MACROD2: variants seen among roughly 807,000 people sequenced by gnomAD.
MACROD2 encodes the protein ADP-ribose glycohydrolase MACROD2.
A neutral mutation model predicts 70.4 loss-of-function variants in MACROD2; 36 were observed. That is an observed-to-expected ratio of 0.51 (90% confidence interval 0.39 to 0.68). The LOEUF is 0.68. Among genes scored for constraint, MACROD2 ranks in the 30% least tolerant of loss-of-function variants. The pLI, the probability that MACROD2 is intolerant of heterozygous loss-of-function variation, is 0.00. For missense variants in MACROD2, 496 were observed against 538.4 expected, an observed-to-expected ratio of 0.92 and a Z score of 0.78; for synonymous variants, 172 against 178.8, an observed-to-expected ratio of 0.96 and a Z score of 0.30.
intron 5 of MACROD2, among the ~76,000 whole-genome samples, chr20:14,943,507 T>C (rs2074407029): frequency 6.6e-6 from 1 of 152,186 alleles, no homozygotes; most frequent in Non-Finnish European, 1.5e-5. Context: ...ATAATAATGG[T>C]TGATATATTG....
At chr20:15,249,551 A>G (rs2077136244) in intron 6 of MACROD2, among the ~76,000 whole-genome samples, 2 of 152,214 alleles carry the variant, frequency 1.3e-5, no homozygotes, top group African/African-American at 4.8e-5. Context: ...CCAATACTCC[A>G]AGGCACCCAA....
chr20:14,599,853 G>A (rs1023637686), intron 4 of MACROD2, among the ~76,000 whole-genome samples: 1 of 152,138 alleles, frequency 6.6e-6, no homozygotes, highest in Non-Finnish European at 1.5e-5. Flanking sequence ...GGACAGGGGA[G>A]GATTTCAGGA....
intron 6 of MACROD2, among the ~76,000 whole-genome samples, chr20:15,369,980 G>C (rs1000735110): frequency 6.6e-6 from 1 of 152,080 alleles, no homozygotes; most frequent in African/African-American, 2.4e-5. Context: ...CTGTTTTGCT[G>C]ATTGCAGCCT....
At chr20:15,277,749 G>T (rs975575792) in intron 6 of MACROD2, among the ~76,000 whole-genome samples, 2 of 152,268 alleles carry the variant, frequency 1.3e-5, no homozygotes, top group Non-Finnish European at 1.5e-5. Flanking sequence ...GTGATTTGGG[G>T]TATGTTACTT....
chr20:15,608,560 A>G (rs1053934785), intron 8 of MACROD2, among the ~76,000 whole-genome samples: 1 of 152,082 alleles, frequency 6.6e-6, no homozygotes, highest in African/African-American at 2.4e-5. Flanking sequence ...TCAACCAACC[A>G]CTAAGTGACC....
intron 4 of MACROD2, among the ~76,000 whole-genome samples, chr20:14,575,801 A>G (rs192860438): frequency 2.0e-5 from 3 of 152,248 alleles, no homozygotes; most frequent in South Asian, 2.1e-4. Context: ...TAAAAAGAAA[A>G]TGTTCTACAC....
At chr20:14,680,606 C>T (rs190965414) in intron 4 of MACROD2, among the ~76,000 whole-genome samples, 1 of 152,056 alleles carries the variant, frequency 6.6e-6, no homozygotes, top group African/African-American at 2.4e-5. Flanking sequence ...AAGCCTCTAC[C>T]ATATATTATA....
At chr20:14,451,461 G>T (rs1204532494) in intron 3 of MACROD2, among the ~76,000 whole-genome samples, 1 of 152,022 alleles carries the variant, frequency 6.6e-6, no homozygotes, top group Non-Finnish European at 1.5e-5. Flanking sequence ...AAAAAACAAA[G>T]TGTGTTACCC....
At chr20:15,555,570 G>T (rs559354036) in intron 8 of MACROD2, among the ~76,000 whole-genome samples, 5 of 152,124 alleles carry the variant, frequency 3.3e-5, no homozygotes, top group Admixed American at 6.5e-5. Context: ...CAGGTAAGGG[G>T]TTGATAGTTG....
intron 6 of MACROD2, among the ~76,000 whole-genome samples, chr20:15,337,735 A>T (rs1039035174): frequency 6.6e-6 from 1 of 151,750 alleles, no homozygotes; most frequent in Non-Finnish European, 1.5e-5. Context: ...GAATTGGGAG[A>T]CTTTGACATG....
At chr20:15,297,562 T>A (rs1406825676) in intron 6 of MACROD2, among the ~76,000 whole-genome samples, 1 of 152,114 alleles carries the variant, frequency 6.6e-6, no homozygotes, top group Non-Finnish European at 1.5e-5. Flanking sequence ...CTGGCTGGGT[T>A]TTTCTCATTT....
intron 8 of MACROD2, among the ~76,000 whole-genome samples, chr20:15,749,031 A>G (rs1319582115): frequency 6.6e-6 from 1 of 152,174 alleles, no homozygotes; most frequent in Non-Finnish European, 1.5e-5. Context: ...CAAATTATGT[A>G]TACAAATACA....
rs180796201 is a variant in MACROD2, at chr20:14,794,744, T to C, written c.418+109785T>C. Among the ~76,000 whole-genome samples the C allele has an allele frequency of 3.9e-4, 60 of 152,274 alleles. 2 individuals are homozygous for C. In the East Asian group the frequency reaches 8.9e-3, roughly 23 times the overall value. On this transcript the variant is annotated intron_variant, in intron 5 of 17. Transcript: ENST00000684519. ...TTAACAAATGTTTACTGGGGTCTTATAAGTGCCAGGCACTGAGGAATCAAA... is the reference window on the plus strand; with the variant it reads ...TTAACAAATGTTTACTGGGGTCTTACAAGTGCCAGGCACTGAGGAATCAAA...
At chr20:14,982,896 C>T (rs1259186431) in intron 5 of MACROD2, among the ~76,000 whole-genome samples, 1 of 152,118 alleles carries the variant, frequency 6.6e-6, no homozygotes, top group Non-Finnish European at 1.5e-5. Context: ...CTCCAGACCC[C>T]AGAATGGTAG....
intron 7 of MACROD2, among the ~76,000 whole-genome samples, chr20:15,479,465 G>T (rs1159840093): frequency 6.6e-6 from 1 of 151,408 alleles, no homozygotes; most frequent in East Asian, 1.9e-4. Context: ...GTAGAGACGG[G>T]GTTTCACCGT....
chr20:15,761,015 G>A lies in MACROD2; in HGVS notation c.646-101730G>A, dbSNP rs372682328. On this transcript the variant is annotated intron_variant, in intron 8 of 17. Coordinates refer to ENST00000684519, the MANE Select transcript of MACROD2 (RefSeq NM_001351661.2). The stretch of plus-strand genomic sequence containing the variant: ...CCATAACATGAATGAAATATACTGC[G>A]TACAGTCATTTAGATAAAAGTGTTT... Among the ~76,000 whole-genome samples the A allele has an allele frequency of 7.5e-4, 114 of 152,260 alleles. 1 individual carries two copies. In the South Asian group the frequency reaches 0.02, roughly 27 times the overall value.
At chr20:15,132,889 T>C (rs2076117045) in intron 5 of MACROD2, among the ~76,000 whole-genome samples, 1 of 152,070 alleles carries the variant, frequency 6.6e-6, no homozygotes, top group Non-Finnish European at 1.5e-5. Context: ...GGGCCACCCA[T>C]AGATTTGCAT....
intron 6 of MACROD2, among the ~76,000 whole-genome samples, chr20:15,381,184 A>C (rs1387952147): frequency 6.6e-6 from 1 of 152,116 alleles, no homozygotes; most frequent in African/African-American, 2.4e-5. Context: ...AATTTATAAT[A>C]AACTTCATAC....
At chr20:15,547,772 A>G (rs2048043871) in intron 8 of MACROD2, among the ~76,000 whole-genome samples, 1 of 152,214 alleles carries the variant, frequency 6.6e-6, no homozygotes, top group African/African-American at 2.4e-5. Flanking sequence ...ATGTAGCAGG[A>G]CCGAGCAGCT....
Sources: gnomAD v4.1 joint callset for allele counts (sites outside exome capture counted in the v4.1 genomes callset) on GRCh38, gnomAD v4.1.1 for gene constraint, MANE v1.5 for transcripts, NCBI Gene and HGNC (gene_info 2026-07-23, HGNC 2026-07-21) for gene names.